MICU2: variants seen among roughly 807,000 people sequenced by gnomAD.
MICU2 encodes the protein mitochondrial calcium uptake 2, also known as calcium uptake protein 2, mitochondrial.
MICU2 carries 64 observed loss-of-function variants against 60.4 expected under a neutral mutation model. The ratio of observed to expected loss-of-function variants is 1.06; its 90% confidence interval spans 0.87 to 1.31. The LOEUF (loss-of-function observed/expected upper bound fraction) is 1.31, where lower values mean the gene tolerates loss of function less well. Ranked by LOEUF, MICU2 falls within the 50% of genes most tolerant of loss-of-function variation. The pLI is 0.00. For missense variants in MICU2, 569 were observed against 531.0 expected (o/e 1.07, Z -0.70); for synonymous variants, 201 against 175.0 (o/e 1.15, Z -1.17).
In MICU2 at chr13:21,555,748, C is replaced by G. The variant is rs145612559; in HGVS notation, c.358+11049G>C. Among the ~76,000 whole-genome samples, 1,187 of 152,174 alleles carry G rather than the reference C, an allele frequency of 7.8e-3. 17 individuals carry two copies. Among genetic ancestry groups the G allele is most frequent in the African/African-American group, 0.027 (1,128 of 41,536 alleles). On this transcript the variant is annotated intron_variant, in intron 2 of 11. Transcript: ENST00000382374. ...TCTGTAAACCTCAATACCTTCCCCC[C>G]CTCTTCACTCTCAGCTGATAACCTG...
At chr13:21,591,298 G>C (rs892736872) in intron 1 of MICU2, among the ~76,000 whole-genome samples, 3 of 152,112 alleles carry the variant, frequency 2.0e-5, no homozygotes, top group Non-Finnish European at 4.4e-5. Context: ...TTACATAATG[G>C]TCAAGGGAAC....
intron 2 of MICU2, among the ~76,000 whole-genome samples, chr13:21,550,978 T>C (rs1887545872): frequency 6.6e-6 from 1 of 152,226 alleles, no homozygotes; most frequent in East Asian, 1.9e-4. Context: ...TGTTATTCAC[T>C]TATGTGTGTG....
At chr13:21,586,800 C>A (rs890116844) in intron 1 of MICU2, among the ~76,000 whole-genome samples, 3 of 152,182 alleles carry the variant, frequency 2.0e-5, no homozygotes, top group Non-Finnish European at 4.4e-5. Flanking sequence ...CTAACTTGCG[C>A]AGCATTTTTC....
At chr13:21,553,560 T>G (rs1593341561) in intron 2 of MICU2, among the ~76,000 whole-genome samples, 1 of 152,128 alleles carries the variant, frequency 6.6e-6, no homozygotes, top group African/African-American at 2.4e-5. Flanking sequence ...GAACAACTGG[T>G]ACCAGCCACT....
intron 1 of MICU2, among the ~76,000 whole-genome samples, chr13:21,589,821 G>A (rs1888541495): frequency 6.6e-6 from 1 of 152,078 alleles, no homozygotes; most frequent in African/African-American, 2.4e-5. Context: ...ATTGAAATTA[G>A]TTTAGCCTGT....
chr13:21,551,039 C>T (rs73158436), intron 2 of MICU2, among the ~76,000 whole-genome samples: 2,400 of 152,294 alleles, frequency 0.016, 50 homozygotes, highest in Non-Finnish European at 0.024. Context: ...TTTGAATCTA[C>T]GACATTTTCA....
intron 7 of MICU2, among the ~76,000 whole-genome samples, chr13:21,513,360 A>G (rs959331166): frequency 2.0e-5 from 3 of 152,106 alleles, no homozygotes; most frequent in Non-Finnish European, 2.9e-5. Context: ...ATCAATAAGT[A>G]TGTTAGCTGT....
chr13:21,588,822 T>A (rs1888512308), intron 1 of MICU2, among the ~76,000 whole-genome samples: 1 of 152,222 alleles, frequency 6.6e-6, no homozygotes, highest in Admixed American at 6.5e-5. Flanking sequence ...CAGGTCTGTT[T>A]AGACACAATT....
intron 2 of MICU2, among the ~76,000 whole-genome samples, chr13:21,563,977 G>C (rs1887914428): frequency 6.6e-6 from 1 of 151,940 alleles, no homozygotes; most frequent in Non-Finnish European, 1.5e-5. Flanking sequence ...TAATTTCAAA[G>C]GCATTCTTCA....
intron 1 of MICU2, among the ~76,000 whole-genome samples, chr13:21,576,244 T>C (rs943785215): frequency 8.5e-5 from 13 of 152,244 alleles, no homozygotes; most frequent in Admixed American, 7.2e-4. Context: ...ACAGGTCTGG[T>C]ATCTTGATTT....
chr13:21,547,926 A>T (rs2138013459), intron 2 of MICU2, among the ~76,000 whole-genome samples: 1 of 152,316 alleles, frequency 6.6e-6, no homozygotes. Context: ...ATCTGGAGAT[A>T]TAGGTATGAA....
At chr13:21,584,713 T>A (rs570312875) in intron 1 of MICU2, among the ~76,000 whole-genome samples, 2 of 152,274 alleles carry the variant, frequency 1.3e-5, no homozygotes, top group African/African-American at 4.8e-5. Flanking sequence ...ATAATGTTAT[T>A]TATGAAGTTA....
chr13:21,570,369 T>C (rs1293210729), intron 1 of MICU2, among the ~76,000 whole-genome samples: 8 of 152,232 alleles, frequency 5.3e-5, no homozygotes, highest in Admixed American at 6.5e-5. Flanking sequence ...GCTTATTTCA[T>C]AGAATTTGGA....
chr13:21,521,940 G>A (rs1244980379), intron 5 of MICU2, among the ~76,000 whole-genome samples: 1 of 152,110 alleles, frequency 6.6e-6, no homozygotes, highest in Non-Finnish European at 1.5e-5. Context: ...ACCACACCTC[G>A]CAAATTTTTA....
At chr13:21,538,042 T>A (rs532356381) in intron 4 of MICU2, among the ~76,000 whole-genome samples, 3 of 152,090 alleles carry the variant, frequency 2.0e-5, no homozygotes, top group Admixed American at 1.3e-4. Flanking sequence ...ACAAGAAACA[T>A]GCTCACCACC....
In MICU2 at chr13:21,569,488, G is replaced by A. The variant is rs541218297; in HGVS notation, c.211-2544C>T. 2.4e-4 allele frequency among the ~76,000 whole-genome samples: 37 copies of A among 152,126 alleles called. No individual in the cohort carries two copies. The South Asian group carries it at 6.6e-3, about 27-fold the overall frequency. ...CCATTTTCCTTAGGAAATATGCAGA[G>A]GAAGCCCCCAAGTCACCATCTCCTA... On this transcript the variant is annotated intron_variant, in intron 1 of 11. Transcript: ENST00000382374.
chr13:21,515,556 T>C (rs1421176238), intron 6 of MICU2: 1 of 441,654 alleles, frequency 2.3e-6, no homozygotes, highest in East Asian at 7.0e-5. Context: ...ATCAATTGTA[T>C]CAATCCTCAT....
At chr13:21,565,230 G>A (rs562805507) in intron 2 of MICU2, among the ~76,000 whole-genome samples, 3 of 152,182 alleles carry the variant, frequency 2.0e-5, no homozygotes, top group Non-Finnish European at 4.4e-5. Context: ...CAAAAAAGCT[G>A]TAATAAAAGA....
chr13:21,543,649 G>A (rs1443045032), intron 2 of MICU2, among the ~76,000 whole-genome samples: 1 of 152,082 alleles, frequency 6.6e-6, no homozygotes, highest in Non-Finnish European at 1.5e-5. Flanking sequence ...ACAAAACACT[G>A]ACGAAAGAAA....
Sources: gnomAD v4.1 joint callset for allele counts (sites outside exome capture counted in the v4.1 genomes callset) on GRCh38, gnomAD v4.1.1 for gene constraint, MANE v1.5 for transcripts, NCBI Gene and HGNC (gene_info 2026-07-23, HGNC 2026-07-21) for gene names.